Variants in FBXL7 observed in about 807,000 individuals in gnomAD.
FBXL7 encodes the protein F-box and leucine rich repeat protein 7, also known as F-box/LRR-repeat protein 7.
FBXL7 carries 12 observed loss-of-function variants against 38.3 expected under a neutral mutation model. The ratio of observed to expected loss-of-function variants is 0.31; its 90% CI spans 0.20 to 0.51. The LOEUF is 0.51. Among genes scored for constraint, FBXL7 ranks in the 20% least tolerant of loss-of-function variants. The pLI, the probability that FBXL7 is intolerant of heterozygous loss-of-function variation, is 0.98. For synonymous variants in FBXL7, 297 were observed against 300.9 expected, an observed-to-expected ratio of 0.99 and a Z score of 0.13; for missense variants, 567 against 676.4, an observed-to-expected ratio of 0.84 and a Z score of 1.79.
chr5:15,526,861 C>G (rs1426577842), intron 1 of FBXL7, among the ~76,000 whole-genome samples: 1 of 152,108 alleles, frequency 6.6e-6, no homozygotes, highest in East Asian at 1.9e-4. Context: ...ATCATCTATG[C>G]CAAGGATGGA....
intron 1 of FBXL7, among the ~76,000 whole-genome samples, chr5:15,541,110 A>G (rs769647915): frequency 6.6e-6 from 1 of 151,284 alleles, no homozygotes; most frequent in Non-Finnish European, 1.5e-5. Flanking sequence ...ATGCATATAC[A>G]TTTTCTTTTG....
At chr5:15,643,351 C>T (rs775955261) in intron 2 of FBXL7, among the ~76,000 whole-genome samples, 5 of 152,186 alleles carry the variant, frequency 3.3e-5, no homozygotes, top group Non-Finnish European at 5.9e-5. Context: ...AGCCAGGAAT[C>T]ACCTTGTCTC....
intron 1 of FBXL7, among the ~76,000 whole-genome samples, chr5:15,593,616 G>A (rs900465486): frequency 1.3e-5 from 2 of 152,220 alleles, no homozygotes; most frequent in Non-Finnish European, 2.9e-5. Flanking sequence ...GCACTTAATA[G>A]CTGATTTTCC....
intron 2 of FBXL7, among the ~76,000 whole-genome samples, chr5:15,680,152 T>C (rs1227698514): frequency 1.3e-5 from 2 of 152,220 alleles, no homozygotes; most frequent in Non-Finnish European, 2.9e-5. Context: ...AGGATGTTGC[T>C]ACCTTACATG....
intron 2 of FBXL7, among the ~76,000 whole-genome samples, chr5:15,659,454 T>C (rs1448599841): frequency 6.6e-6 from 1 of 152,254 alleles, no homozygotes. Context: ...TGTACAGGCT[T>C]AGGGCCCTGT....
intron 2 of FBXL7, among the ~76,000 whole-genome samples, chr5:15,881,308 A>G: frequency 6.6e-6 from 1 of 152,332 alleles, no homozygotes; most frequent in East Asian, 1.9e-4. Context: ...TACTTCACTT[A>G]GAATAATAGG....
chr5:15,527,687 C>T (rs975302364), intron 1 of FBXL7, among the ~76,000 whole-genome samples: 1 of 152,178 alleles, frequency 6.6e-6, no homozygotes, highest in Admixed American at 6.5e-5. Flanking sequence ...CATTTCCTTC[C>T]AGTTGTATGG....
At chr5:15,702,263 C>G (rs1425513014) in intron 2 of FBXL7, among the ~76,000 whole-genome samples, 1 of 151,322 alleles carries the variant, frequency 6.6e-6, no homozygotes, top group Middle Eastern at 3.4e-3. Flanking sequence ...ATTCACAGCT[C>G]TGTGAAAGTG....
intron 2 of FBXL7, among the ~76,000 whole-genome samples, chr5:15,681,229 A>T (rs1298348278): frequency 6.6e-6 from 1 of 152,206 alleles, no homozygotes; most frequent in Admixed American, 6.5e-5. Context: ...ATTCATCCAA[A>T]GTGTGTAATT....
At chr5:15,774,607 T>G (rs557005899) in intron 2 of FBXL7, among the ~76,000 whole-genome samples, 17 of 152,218 alleles carry the variant, frequency 1.1e-4, no homozygotes, top group Admixed American at 3.9e-4. Context: ...CCTGATAAAT[T>G]GGTCAGTCCA....
intron 1 of FBXL7, among the ~76,000 whole-genome samples, chr5:15,515,522 C>T (rs972226520): frequency 2.6e-5 from 4 of 152,170 alleles, no homozygotes; most frequent in Non-Finnish European, 4.4e-5. Context: ...AATCATTCCT[C>T]CATGGTCCTG....
intron 2 of FBXL7, among the ~76,000 whole-genome samples, chr5:15,642,399 C>T (rs1741396594): frequency 6.6e-6 from 1 of 152,208 alleles, no homozygotes; most frequent in Non-Finnish European, 1.5e-5. Flanking sequence ...GATTTCAGAG[C>T]TAATGCACCT....
intron 2 of FBXL7, among the ~76,000 whole-genome samples, chr5:15,789,993 A>G (rs1431371559): frequency 1.3e-5 from 2 of 152,198 alleles, no homozygotes; most frequent in Non-Finnish European, 2.9e-5. Context: ...CCGTGGCCAG[A>G]TCTTCCAACA....
chr5:15,776,810 A>G (rs557768346), intron 2 of FBXL7, among the ~76,000 whole-genome samples: 3 of 152,274 alleles, frequency 2.0e-5, no homozygotes, highest in African/African-American at 7.2e-5. Context: ...ATACATAACA[A>G]TGGATAATGG....
chr5:15,756,383 G>A (rs759094065), intron 2 of FBXL7, among the ~76,000 whole-genome samples: 8 of 152,052 alleles, frequency 5.3e-5, no homozygotes, highest in South Asian at 2.1e-4. Context: ...ATAACAGACC[G>A]GTTTTAAAAA....
chr5:15,527,523 G>A (rs1737286244), intron 1 of FBXL7, among the ~76,000 whole-genome samples: 1 of 152,120 alleles, frequency 6.6e-6, no homozygotes. Context: ...ATCTTTTGGA[G>A]ACAGAATTTT....
intron 2 of FBXL7, among the ~76,000 whole-genome samples, chr5:15,802,105 C>G (rs1376655939): frequency 6.6e-6 from 1 of 152,112 alleles, no homozygotes; most frequent in Non-Finnish European, 1.5e-5. Context: ...CATCAACAAG[C>G]CCACTTGGCT....
intron 1 of FBXL7, among the ~76,000 whole-genome samples, chr5:15,576,585 C>T (rs1738976435): frequency 6.6e-6 from 1 of 152,136 alleles, no homozygotes; most frequent in Non-Finnish European, 1.5e-5. Context: ...TGTTACTGCT[C>T]AGCATATGGC....
chr5:15,754,937 G>A (rs1302162816), intron 2 of FBXL7, among the ~76,000 whole-genome samples: 2 of 152,148 alleles, frequency 1.3e-5, no homozygotes, highest in African/African-American at 2.4e-5. Flanking sequence ...CTGACTTCTA[G>A]ATGCAGGCTT....
Sources: gnomAD v4.1 joint callset for allele counts (sites outside exome capture counted in the v4.1 genomes callset) on GRCh38, gnomAD v4.1.1 for gene constraint, MANE v1.5 for transcripts, NCBI Gene and HGNC (gene_info 2026-07-23, HGNC 2026-07-21) for gene names.